DCUN1D3: variants seen among roughly 807,000 people sequenced by gnomAD.
DCUN1D3 encodes the protein DCN1-like protein 3.
DCUN1D3 carries 6 observed loss-of-function variants against 24.8 expected under a neutral mutation model. That is an observed-to-expected ratio of 0.24 (90% CI 0.13 to 0.48). The LOEUF (loss-of-function observed/expected upper bound fraction) is 0.48, where lower values mean the gene tolerates loss of function less well. Among genes scored for constraint, DCUN1D3 ranks in the 20% least tolerant of loss-of-function variants. DCUN1D3 has a pLI of 0.99. For synonymous variants in DCUN1D3, 120 were observed against 144.9 expected (o/e 0.83, Z 1.24); for missense variants, 258 against 379.4 (o/e 0.68, Z 2.66).
chr16:20,881,066 G>A (rs543307458), intron 1 of DCUN1D3, among the ~76,000 whole-genome samples: 1 of 152,202 alleles, frequency 6.6e-6, no homozygotes, highest in South Asian at 2.1e-4. Flanking sequence ...TGAGAGTTTG[G>A]ACTATACAAG....
chr16:20,863,667 G>C (rs2081745063), intron 1 of DCUN1D3, among the ~76,000 whole-genome samples: 1 of 152,140 alleles, frequency 6.6e-6, no homozygotes, highest in South Asian at 2.1e-4. Context: ...GATCAACTGA[G>C]CCCAGGTCAA....
chr16:20,896,708 T>A (rs1028834182), intron 1 of DCUN1D3, among the ~76,000 whole-genome samples: 2 of 152,180 alleles, frequency 1.3e-5, no homozygotes, highest in Non-Finnish European at 2.9e-5. Context: ...ATGCCAAGCA[T>A]CAGCATATAA....
chr16:20,878,726 T>A (rs1437435547), intron 1 of DCUN1D3, among the ~76,000 whole-genome samples: 5 of 152,244 alleles, frequency 3.3e-5, no homozygotes, highest in Non-Finnish European at 7.3e-5. Context: ...TGAGATGTTA[T>A]ACCACTGTTC....
chr16:20,896,513 C>G (rs1239224534), intron 1 of DCUN1D3: 2 of 152,178 alleles, frequency 1.3e-5, no homozygotes, highest in Non-Finnish European at 2.9e-5. Context: ...GAGACAATGG[C>G]TTCTCCTTGT....
rs1405110078 is a variant in DCUN1D3, at chr16:20,862,570, C to A, written c.-32G>T. On this transcript the variant is annotated 5_prime_UTR_variant, in exon 2 of 3. Coordinates refer to ENST00000324344, the MANE Select transcript of DCUN1D3 (RefSeq NM_173475.4). ...GGTGGCCTGGCCTCTAGAGTGGACC[C>A]CTCTGGATTGGATGCCCTCGCTGCC... is the stretch of plus-strand genomic sequence containing the variant. 6.4e-7 allele frequency: 1 copy of A among 1,569,530 alleles called. No individual in the cohort carries two copies. The highest frequency in any genetic ancestry group is 8.6e-7 in the Non-Finnish European group (1 of 1,164,610).
intron 1 of DCUN1D3, among the ~76,000 whole-genome samples, chr16:20,879,399 C>A (rs760460714): frequency 2.0e-5 from 3 of 152,162 alleles, no homozygotes; most frequent in Non-Finnish European, 2.9e-5. Context: ...ATTGCAGCAA[C>A]AATCTACAAG....
chr16:20,881,753 A>G (rs2081844808), intron 1 of DCUN1D3, among the ~76,000 whole-genome samples: 1 of 152,194 alleles, frequency 6.6e-6, no homozygotes, highest in Non-Finnish European at 1.5e-5. Context: ...GAAATTCACC[A>G]AACTGCTCCC....
chr16:20,870,212 G>A lies in DCUN1D3; in HGVS notation c.-105-7569C>T, dbSNP rs570736852. ...TTTTTTGGCATTCAGTGAGGCCAAAGTTCTAAATGTGCAACCCTCCTAAGG... is the reference window on the plus strand; with the variant it reads ...TTTTTTGGCATTCAGTGAGGCCAAAATTCTAAATGTGCAACCCTCCTAAGG... On this transcript the variant is annotated intron_variant, in intron 1 of 2. Coordinates refer to ENST00000324344, the MANE Select transcript of DCUN1D3 (RefSeq NM_173475.4). Among the ~76,000 whole-genome samples the A allele has an allele frequency of 1.2e-4, 18 of 152,292 alleles. 1 individual carries two copies. Among genetic ancestry groups the A allele is most frequent in the African/African-American group, 4.3e-4 (18 of 41,562 alleles).
At chr16:20,898,433 C>T (rs1567433040) in intron 1 of DCUN1D3, among the ~76,000 whole-genome samples, 1 of 152,212 alleles carries the variant, frequency 6.6e-6, no homozygotes, top group South Asian at 2.1e-4. Flanking sequence ...CCTGTGTACA[C>T]CCAGTGCCTG....
chr16:20,863,194 T>G (rs577965021), intron 1 of DCUN1D3, among the ~76,000 whole-genome samples: 1 of 152,356 alleles, frequency 6.6e-6, no homozygotes, highest in Middle Eastern at 3.4e-3. Flanking sequence ...AATTTGCCTC[T>G]GATCTCTCCA....
rs138196217 is a variant in DCUN1D3, at chr16:20,868,396, G to A, written c.-105-5753C>T. Among the ~76,000 whole-genome samples the A allele has an allele frequency of 4.4e-3, 668 of 152,342 alleles. 4 individuals are homozygous for A. The highest frequency in any genetic ancestry group is 7.8e-3 in the Non-Finnish European group (528 of 68,034). On this transcript the variant is annotated intron_variant, in intron 1 of 2. Coordinates refer to ENST00000324344, the MANE Select transcript of DCUN1D3 (RefSeq NM_173475.4). The stretch of plus-strand genomic sequence containing the variant: ...ATTTAGGAATGGAGGAAACAGAAGC[G>A]CAGTGATGAAGAGGATGAGCTCAGA...
At chr16:20,897,777 C>T (rs774734964) in intron 1 of DCUN1D3, among the ~76,000 whole-genome samples, 3 of 152,156 alleles carry the variant, frequency 2.0e-5, no homozygotes, top group Non-Finnish European at 2.9e-5. Context: ...AATCTGAACA[C>T]CCAGCTTGAA....
At chr16:20,870,812 A>G (rs2081784622) in intron 1 of DCUN1D3, among the ~76,000 whole-genome samples, 1 of 152,218 alleles carries the variant, frequency 6.6e-6, no homozygotes, top group Admixed American at 6.5e-5. Context: ...AGCTGGGTGC[A>G]GCTTTTTATT....
rs2081722454 is a variant in DCUN1D3 at position 20,859,834 on chromosome 16, T to C, written c.*52A>G. 2 of 1,530,858 alleles carry C rather than the reference T, an allele frequency of 1.3e-6. No individual in the cohort carries two copies. The highest frequency in any genetic ancestry group is 4.5e-5 in the East Asian group (2 of 44,044). 94.8% of individuals were successfully genotyped at this position (1,530,858 alleles called of 1,614,324 possible). ...TTTCCAAAATGGTCCAATTCCTCAG[T>C]TGGCTGCAGGGCAGCTGGCAGATCC... is the stretch of plus-strand genomic sequence containing the variant. On this transcript the variant is annotated 3_prime_UTR_variant, in exon 3 of 3. Transcript: ENST00000324344.
At chr16:20,889,960 T>G (rs2081884646) in intron 1 of DCUN1D3, among the ~76,000 whole-genome samples, 1 of 151,962 alleles carries the variant, frequency 6.6e-6, no homozygotes, top group East Asian at 1.9e-4. Flanking sequence ...GCCTAAGTAA[T>G]GAAACCTCAA....
chr16:20,871,157 G>A (rs897869928), intron 1 of DCUN1D3, among the ~76,000 whole-genome samples: 1 of 152,226 alleles, frequency 6.6e-6, no homozygotes, highest in Non-Finnish European at 1.5e-5. Context: ...TTGGAGATTA[G>A]GTCTTACCCA....
intron 1 of DCUN1D3, among the ~76,000 whole-genome samples, chr16:20,875,623 C>A (rs917961918): frequency 1.3e-5 from 2 of 152,262 alleles, no homozygotes; most frequent in Middle Eastern, 3.4e-3. Context: ...ATACAAAAAT[C>A]AAATCAAAGT....
At chr16:20,872,909 A>G (rs903474416) in intron 1 of DCUN1D3, among the ~76,000 whole-genome samples, 1 of 152,218 alleles carries the variant, frequency 6.6e-6, no homozygotes, top group African/African-American at 2.4e-5. Flanking sequence ...CGAGGTCAGG[A>G]GTTCAAGACC....
intron 1 of DCUN1D3, among the ~76,000 whole-genome samples, chr16:20,885,550 A>T (rs1018935885): frequency 3.1e-5 from 4 of 130,194 alleles, no homozygotes; most frequent in Non-Finnish European, 1.8e-5. Context: ...TTAAGGCTTT[A>T]AAAAAAAAAA....
Sources: gnomAD v4.1 joint callset for allele counts (sites outside exome capture counted in the v4.1 genomes callset) on GRCh38, gnomAD v4.1.1 for gene constraint, MANE v1.5 for transcripts, NCBI Gene and HGNC (gene_info 2026-07-23, HGNC 2026-07-21) for gene names.